The following CACNA1F variants were observed in gnomAD, a reference collection of about 807,000 sequenced individuals.
CACNA1F encodes the protein calcium voltage-gated channel subunit alpha1 F.
In CACNA1F, 59 loss-of-function variants were observed where a neutral mutation model predicts 143.8. The observed-to-expected ratio is 0.41, with a 90% confidence interval of 0.33 to 0.51. CACNA1F has a LOEUF of 0.51. Among genes scored for constraint, CACNA1F ranks in the 20% least tolerant of loss-of-function variants. The pLI is 0.22. For synonymous variants in CACNA1F, 643 were observed against 649.1 expected (o/e 0.99, Z 0.14); for missense variants, 1,411 against 1,647.5 (o/e 0.86, Z 2.48).
At position 49,230,356 on chromosome X, in the gene CACNA1F, G is replaced by A. The variant is rs1470657047; in HGVS notation, c.681C>T (p.Leu227=). Residue 227 remains leucine (L), a synonymous_variant, in exon 6 of 48, where the codon CTC becomes CTT. Transcript: ENST00000323022. ...GCACCAGAGCCTTCATGATGGAATT[G>A]AGCACTATGTGCAGGCCTGCGGGGA... ...VSGVPSLHIV[L]NSIMKALVPL... is the part of the protein sequence containing the mutation. 1.7e-6 allele frequency: 2 copies of A among 1,210,608 alleles called. No homozygotes were observed. The highest frequency in any genetic ancestry group is 2.2e-6 in the Non-Finnish European group (2 of 894,789).
At position 49,216,417 on chromosome X, in the gene CACNA1F, G is replaced by A. The variant is rs2065716552; in HGVS notation, c.3201C>T (p.Ala1067=). 1 of 1,210,160 alleles carries A rather than the reference G, an allele frequency of 8.3e-7. No individual in the cohort carries two copies. The highest frequency in any genetic ancestry group is 1.7e-5 in the African/African-American group (1 of 57,757). ...CTTCAAAGGTGGAGACAGTGAACAGGGCCATCATGGCTGAAAGGACATTGT... is the reference window on the plus strand; with the variant it reads ...CTTCAAAGGTGGAGACAGTGAACAGAGCCATCATGGCTGAAAGGACATTGT... The part of the protein sequence containing the change: ...NFDNVLSAMM[A]LFTVSTFEGW... The change falls in exon 27 of 48, where the codon GCC becomes GCT. Residue 1067 remains alanine (A), a synonymous_variant. Transcript: ENST00000323022.
intron 8 of CACNA1F, 34 bp from the exon 9 acceptor site, chrX:49,227,161 G>A (rs782343775): frequency 2.6e-5 from 28 of 1,092,659 alleles, no homozygotes; most frequent in Admixed American, 1.3e-4. Flanking sequence ...AGGGGGAGGA[G>A]CCAATCTGAA....
In CACNA1F at chrX:49,206,823, G is replaced by A. The variant is rs1189986747; in HGVS notation, c.5264C>T (p.Pro1755Leu). ...LSYLDEQAGT[P>L]PCSVLLPPHR... is the part of the protein sequence containing the mutation. ...AGGTGGCAAAAGGACTGAGCACGGG[G>A]GAGTCCCTGCCTGCTCATCTAGGTA... Residue 1755 changes from proline (P) to leucine (L), a missense_variant, in exon 45 of 48, where the codon CCC becomes CTC. By Grantham distance (98) the Pro-to-Leu change is moderately conservative. This residue lies in a region of CACNA1F where 349 missense variants were observed against 350.2 expected (regional missense o/e 1.00). Transcript: ENST00000323022. 3 of 1,206,555 alleles carry A rather than the reference G, an allele frequency of 2.5e-6. No individual in the cohort carries two copies. Among genetic ancestry groups the A allele is most frequent in the Non-Finnish European group, 3.4e-6 (3 of 892,210 alleles).
At chrX:49,212,946 G>C in intron 32 of CACNA1F, 28 bp downstream of exon 32, 2 of 1,196,421 alleles carry the variant, frequency 1.7e-6, no homozygotes, top group Non-Finnish European at 2.3e-6. Context: ...AAAAGAAGCA[G>C]AGAGTCCCTG....
chrX:49,225,038 T>C (rs1461885351), intron 13 of CACNA1F, 52 bp from the exon 14 acceptor site: 14 of 861,368 alleles, frequency 1.6e-5, no homozygotes, highest in Non-Finnish European at 2.2e-5. Context: ...TGTGGTGACA[T>C]GTGGGGAGGT....
intron 13 of CACNA1F, among the ~76,000 whole-genome samples, chrX:49,225,330 G>A (rs1359006349): frequency 9.0e-6 from 1 of 111,341 alleles, no homozygotes; most frequent in Non-Finnish European, 1.9e-5. Flanking sequence ...TATTCAGGCT[G>A]GGGCTGAGAT....
chrX:49,211,779 T>C, intron 35 of CACNA1F, 119 bp downstream of exon 35: 4 of 598,034 alleles, frequency 6.7e-6, no homozygotes, highest in Non-Finnish European at 1.1e-5. Context: ...AGGAAACATC[T>C]CGGGCTGTAT....
In CACNA1F at chrX:49,210,336, G is replaced by A. The variant is rs1557105895; in HGVS notation, c.4553C>T (p.Ala1518Val). ...GTVTFNATLF[A>V]LVRTSLKIKT... Reference sequence around the variant, plus strand: ...GATCTTCAGGGATGTCCGGACCAGGGCAAAGAGTGTGGCGTTGAATGTCAC... The same window carrying A: ...GATCTTCAGGGATGTCCGGACCAGGACAAAGAGTGTGGCGTTGAATGTCAC... The change falls in exon 39 of 48, where the codon GCC becomes GTC. Residue 1518 changes from alanine (A) to valine (V), a missense_variant. By Grantham distance (64) the Ala-to-Val change is moderately conservative (BLOSUM62 0). Around this residue, in one of 3 missense-constraint regions of CACNA1F, gnomAD observed 112 missense variants for 169.2 expected, o/e 0.66. Coordinates refer to ENST00000323022, the MANE Select transcript of CACNA1F (RefSeq NM_001256789.3). 9.1e-6 allele frequency: 11 copies of A among 1,207,977 alleles called. No individual in the cohort carries two copies. In the South Asian group the frequency reaches 1.2e-4, roughly 14 times the overall value.
chrX:49,226,980 A>T lies in CACNA1F; in HGVS notation c.1266T>A (p.Asp422Glu). 1.7e-6 allele frequency: 2 copies of T among 1,211,999 alleles called. No individual in the cohort carries two copies. The highest frequency in any genetic ancestry group is 5.9e-5 in the East Asian group (2 of 33,828). The change falls in exon 9 of 48, where the codon GAT becomes GAA. Residue 422 changes from aspartate (D) to glutamate (E), a missense_variant. This residue lies in a region of CACNA1F where 950 missense variants were observed against 1,128.1 expected (regional missense o/e 0.84). Coordinates refer to ENST00000323022, the MANE Select transcript of CACNA1F (RefSeq NM_001256789.3). ...EELDMEDPSA[D>E]DNLGPQLAEL... is the part of the protein sequence containing the mutation. ...CTTCAGCCATAGAACCAAGGTTGTC[A>T]TCGGCGGAGGGGTCCTCCATGTCCA...
At chrX:49,229,808 C>T (rs1557110872) in intron 6 of CACNA1F, among the ~76,000 whole-genome samples, 3 of 108,826 alleles carry the variant, frequency 2.8e-5, no homozygotes, top group African/African-American at 1.0e-4. Flanking sequence ...GCCACCATGC[C>T]CAGCTAATTT....
chrX:49,228,494 G>A, intron 6 of CACNA1F, 47 bp from the exon 7 acceptor site: 1 of 1,041,483 alleles, frequency 9.6e-7, no homozygotes, highest in East Asian at 3.3e-5. Flanking sequence ...CCCACTCTCA[G>A]TCGCTGCCAC....
chrX:49,231,401 C>T, intron 2 of CACNA1F, 94 bp from the exon 3 acceptor site: 6 of 699,210 alleles, frequency 8.6e-6, no homozygotes, highest in Non-Finnish European at 1.3e-5. Flanking sequence ...CCTTGACGCC[C>T]AAGGTGACAG....
intron 6 of CACNA1F, among the ~76,000 whole-genome samples, chrX:49,229,026 G>A (rs2147922483): frequency 8.9e-6 from 1 of 112,703 alleles, no homozygotes; most frequent in Admixed American, 9.4e-5. Context: ...GCCTGGGGGC[G>A]GAGTCTTGTG....
In CACNA1F at chrX:49,214,192, C is replaced by T. The variant is rs1211862415; in HGVS notation, c.3675G>A (p.Glu1225=). The change falls in exon 30 of 48, where the codon GAG becomes GAA. Residue 1225 remains glutamate, a synonymous_variant. Transcript: ENST00000323022. ...NMVFTGLFTI[E]MVLKIIAFKP... is the part of the protein sequence containing the mutation. Reference sequence around the variant, plus strand: ...TGAAGGCGATGATTTTGAGCACCATCTCAATAGTGAAGAGGCCAGTGAAGA... The same window carrying T: ...TGAAGGCGATGATTTTGAGCACCATTTCAATAGTGAAGAGGCCAGTGAAGA... The T allele has an allele frequency of 8.3e-7, 1 of 1,204,306 alleles. No homozygotes were observed. The highest frequency in any genetic ancestry group is 1.1e-6 in the Non-Finnish European group (1 of 889,481).
Position 49,210,295 on chromosome X carries a change from C to T in CACNA1F, c.4588+6G>A. On this transcript the variant is annotated splice_donor_region_variant and intron_variant, in intron 39 of 47. Transcript: ENST00000323022. ...GAACGATCCCACTCCTGCCCCTCCCCTACACCTTCTGTTTTGATCTTCAGG... is the reference window on the plus strand; with the variant it reads ...GAACGATCCCACTCCTGCCCCTCCCTTACACCTTCTGTTTTGATCTTCAGG... The T allele has an allele frequency of 8.5e-7, 1 of 1,179,591 alleles. No homozygotes were observed. The highest frequency in any genetic ancestry group is 1.2e-6 in the Non-Finnish European group (1 of 866,075).
In CACNA1F at chrX:49,226,936, C is replaced by T. The variant is rs782575860; in HGVS notation, c.1276+34G>A. 45 of 1,209,223 alleles carry T rather than the reference C, an allele frequency of 3.7e-5. No homozygotes were observed. The highest frequency in any genetic ancestry group is 2.3e-4 in the Middle Eastern group (1 of 4,347). On this transcript the variant is annotated intron_variant, in intron 9 of 47. Coordinates refer to ENST00000323022, the MANE Select transcript of CACNA1F (RefSeq NM_001256789.3). ...GAATGGGCCAGATTGGAGTTGCCTA[C>T]GATGGCCCGCCCGGCCCTCTTCAGC...
At chrX:49,218,967 C>A (rs1557108175) in intron 21 of CACNA1F, 26 bp from the exon 22 acceptor site, 7 of 1,144,603 alleles carry the variant, frequency 6.1e-6, no homozygotes, top group South Asian at 1.8e-5. Flanking sequence ...GAGCGGGGAG[C>A]CACTGAGTCA....
At chrX:49,210,170 G>C (rs992741842) in intron 39 of CACNA1F, 128 bp from the exon 40 acceptor site, 11 of 674,285 alleles carry the variant, frequency 1.6e-5, no homozygotes, top group Non-Finnish European at 2.7e-5. Flanking sequence ...TGGACGGGGT[G>C]GGGGGAAACA....
chrX:49,209,157 G>C (rs782441925), intron 42 of CACNA1F, 105 bp downstream of exon 42: 17 of 951,003 alleles, frequency 1.8e-5, no homozygotes, highest in Middle Eastern at 5.3e-4. Flanking sequence ...TGCAGAGGGG[G>C]CTTCTCTGGG....
Sources: gnomAD v4.1 joint callset for allele counts (sites outside exome capture counted in the v4.1 genomes callset) on GRCh38, gnomAD v4.1.1 for gene constraint, gnomAD v4.1.1 regional missense constraint, MANE v1.5 for transcripts, NCBI Gene and HGNC (gene_info 2026-07-23, HGNC 2026-07-21) for gene names.